The following MOSPD1 variants were observed in gnomAD, a reference collection of about 807,000 sequenced individuals.
MOSPD1 encodes the protein motile sperm domain containing 1.
Under a neutral mutation model 16.7 loss-of-function variants are expected in MOSPD1, and 5 were observed. That is an observed-to-expected ratio of 0.30 (90% CI 0.16 to 0.63). The LOEUF (loss-of-function observed/expected upper bound fraction) is 0.63, where lower values mean the gene tolerates loss of function less well. Among genes scored for constraint, MOSPD1 ranks in the 30% least tolerant of loss-of-function variants. The pLI is 0.82. For missense variants in MOSPD1, 104 were observed against 153.6 expected (o/e 0.68, Z 1.71); for synonymous variants, 67 against 59.2 (o/e 1.13, Z -0.61).
At chrX:134,902,299 C>T (rs1214393043) in intron 1 of MOSPD1, among the ~76,000 whole-genome samples, 3 of 109,182 alleles carry the variant, frequency 2.7e-5, no homozygotes, top group East Asian at 2.8e-4. Flanking sequence ...CCCAGCTACT[C>T]GGGAGGCTAA....
chrX:134,902,833 A>C (rs1464395973), intron 1 of MOSPD1, among the ~76,000 whole-genome samples: 1 of 96,265 alleles, frequency 1.0e-5, no homozygotes, highest in Non-Finnish European at 2.1e-5. Flanking sequence ...AAGATTACCA[A>C]GTTCCTGGGT....
At position 134,891,478 on chromosome X, in the gene MOSPD1, C is replaced by T; in HGVS notation, c.610+1G>A. The T allele has an allele frequency of 8.3e-7, 1 of 1,209,789 alleles. No homozygotes were observed. The highest frequency in any genetic ancestry group is 1.1e-6 in the Non-Finnish European group (1 of 894,524). On this transcript the variant is annotated splice_donor_variant, in intron 5 of 5. Transcript: ENST00000370783. LOFTEE classifies it high-confidence loss of function. Reference sequence around the variant, plus strand: ...CCCAAATGCATCTTTAAAACCCTTACCTAAGATATAAGCAGCCACTAATTT... The same window carrying T: ...CCCAAATGCATCTTTAAAACCCTTATCTAAGATATAAGCAGCCACTAATTT...
intron 1 of MOSPD1, among the ~76,000 whole-genome samples, chrX:134,912,565 C>G (rs2082977353): frequency 9.1e-6 from 1 of 109,702 alleles, no homozygotes; most frequent in Non-Finnish European, 1.9e-5. Flanking sequence ...GCCTTGATCT[C>G]CCGGGTTCAA....
intron 1 of MOSPD1, among the ~76,000 whole-genome samples, chrX:134,903,652 C>T (rs2082925442): frequency 1.1e-5 from 1 of 95,012 alleles, no homozygotes; most frequent in Non-Finnish European, 2.0e-5. Context: ...GTGGAGCTTG[C>T]AGTGAGCCAA....
intron 1 of MOSPD1, among the ~76,000 whole-genome samples, chrX:134,913,859 T>A (rs1162708856): frequency 8.9e-6 from 1 of 111,929 alleles, no homozygotes; most frequent in Non-Finnish European, 1.9e-5. Flanking sequence ...CGCATCCTGA[T>A]TGGGTATGTA....
rs751590820 is a variant in MOSPD1, at chrX:134,890,618, G to C, written c.610+861C>G. On this transcript the variant is annotated intron_variant, in intron 5 of 5. Transcript: ENST00000370783. ...GAGGTCGGGAGTTCGAGACCACCCT[G>C]ACCAACATGGAGAAACCCCATCTCT... Among the ~76,000 whole-genome samples, 619 of 110,584 alleles carry C rather than the reference G, an allele frequency of 5.6e-3. 4 individuals are homozygous for C. The highest frequency in any genetic ancestry group is 0.02 in the African/African-American group (600 of 30,391).
At chrX:134,907,567 C>T (rs1460868595) in intron 1 of MOSPD1, among the ~76,000 whole-genome samples, 1 of 112,100 alleles carries the variant, frequency 8.9e-6, no homozygotes, top group African/African-American at 3.2e-5. Context: ...AAACCTAATT[C>T]AAATTCCCCT....
chrX:134,910,490 C>T (rs1034343062), intron 1 of MOSPD1, among the ~76,000 whole-genome samples: 2 of 111,305 alleles, frequency 1.8e-5, no homozygotes, highest in African/African-American at 6.5e-5. Context: ...AATATGGAGA[C>T]AAGATGAAAA....
chrX:134,894,858 T>C (rs1457358544), intron 4 of MOSPD1, among the ~76,000 whole-genome samples: 1 of 111,910 alleles, frequency 8.9e-6, no homozygotes, highest in Non-Finnish European at 1.9e-5. Context: ...CCAGGCCCTG[T>C]GCTAGGTGCT....
chrX:134,890,923 A>G (rs2082860257), intron 5 of MOSPD1, among the ~76,000 whole-genome samples: 1 of 112,118 alleles, frequency 8.9e-6, no homozygotes, highest in Admixed American at 9.5e-5. Flanking sequence ...CCAGAACACT[A>G]ATCCTCGACA....
chrX:134,902,274 G>C (rs986586936), intron 1 of MOSPD1, among the ~76,000 whole-genome samples: 1 of 109,993 alleles, frequency 9.1e-6, no homozygotes, highest in African/African-American at 3.3e-5. Context: ...ACGTGTGGTG[G>C]TGGGCGCCTG....
intron 1 of MOSPD1, among the ~76,000 whole-genome samples, chrX:134,914,245 C>T (rs759423237): frequency 8.9e-6 from 1 of 112,215 alleles, no homozygotes; most frequent in South Asian, 3.7e-4. Context: ...TTTGTCCTCT[C>T]GTTCCCCGAC....
At chrX:134,914,365 G>A (rs757887879) in intron 1 of MOSPD1, among the ~76,000 whole-genome samples, 2 of 111,626 alleles carry the variant, frequency 1.8e-5, no homozygotes, top group Non-Finnish European at 1.9e-5. Flanking sequence ...ATTAAGGGCA[G>A]GAGGGCTGGA....
At chrX:134,899,016 T>TA in intron 3 of MOSPD1, 74 bp downstream of exon 3, 2 of 876,789 alleles carry the variant, frequency 2.3e-6, no homozygotes, top group East Asian at 3.2e-5. Flanking sequence ...CAAGAAAATA[T>TA]CTTTTTTTTT....
chrX:134,906,603 C>T (rs1036496327), intron 1 of MOSPD1, among the ~76,000 whole-genome samples: 4 of 111,575 alleles, frequency 3.6e-5, no homozygotes, highest in African/African-American at 6.5e-5. Flanking sequence ...TAAGGTGTAA[C>T]ACCTGCCTTG....
intron 4 of MOSPD1, among the ~76,000 whole-genome samples, chrX:134,892,126 C>CA (rs1268437319): frequency 8.9e-6 from 1 of 111,764 alleles, no homozygotes; most frequent in Non-Finnish European, 1.9e-5. Flanking sequence ...GAGCCTGCCA[C>CA]ACTAGACCTC....
intron 3 of MOSPD1, 198 bp downstream of exon 3, chrX:134,898,892 T>C: frequency 2.6e-6 from 1 of 390,725 alleles, no homozygotes; most frequent in Non-Finnish European, 4.5e-6. Flanking sequence ...ATACATGAGC[T>C]CCAACGTAAT....
intron 4 of MOSPD1, among the ~76,000 whole-genome samples, chrX:134,895,037 T>A (rs1364899102): frequency 2.0e-5 from 2 of 98,804 alleles, no homozygotes; most frequent in Non-Finnish European, 4.4e-5. Context: ...TTCTTTAATA[T>A]ACTTTAGATA....
intron 5 of MOSPD1, among the ~76,000 whole-genome samples, chrX:134,890,267 C>G (rs1483972150): frequency 1.8e-5 from 2 of 110,149 alleles, no homozygotes; most frequent in African/African-American, 6.6e-5. Flanking sequence ...ATAAAATTGG[C>G]TCAGAGAGGT....
Sources: allele counts gnomAD v4.1 joint callset (sites outside exome capture counted in the v4.1 genomes callset), GRCh38; gene constraint gnomAD v4.1.1; transcripts MANE v1.5; gene names NCBI Gene and HGNC (gene_info 2026-07-23, HGNC 2026-07-21).